Variants in FLT4 observed in about 807,000 individuals in gnomAD.
FLT4 encodes the protein fms related receptor tyrosine kinase 4, also known as vascular endothelial growth factor receptor 3.
A neutral mutation model predicts 163.2 loss-of-function variants in FLT4; 30 were observed. The ratio of observed to expected loss-of-function variants is 0.18; its 90% CI spans 0.14 to 0.25. The LOEUF (loss-of-function observed/expected upper bound fraction) is 0.25. Among genes scored for constraint, FLT4 ranks in the 10% least tolerant of loss-of-function variants. The pLI is 1.00. For synonymous variants in FLT4, 884 were observed against 789.5 expected (o/e 1.12, Z -2.01); for missense variants, 1,510 against 1,863.8 (o/e 0.81, Z 3.50).
At position 180,612,970 on chromosome 5, in the gene FLT4, CT is replaced by C. The variant is rs761347882; in HGVS notation, c.3431+40del. 6 of 1,516,696 alleles carry C rather than the reference CT, an allele frequency of 4.0e-6. No individual in the cohort carries two copies. The East Asian group carries it at 6.8e-5, about 17-fold the overall frequency. The allele number at this position is 1,516,696 out of a possible 1,614,324, so 94.0% of individuals were successfully genotyped here. A position where few individuals can be genotyped will look rare whatever the true frequency, so the allele number is the denominator to read the frequency against. On this transcript the variant is annotated intron_variant, in intron 25 of 29. Transcript: ENST00000261937. ...GGACACAACCCCCACGCCCCCGACG[CT>C]TGCTGTCCCCAAAACCTGCAGGGCC...
At chr5:180,632,097 G>T (rs80150566) in intron 1 of FLT4, among the ~76,000 whole-genome samples, 1 of 152,140 alleles carries the variant, frequency 6.6e-6, no homozygotes, top group East Asian at 1.9e-4. Context: ...ATGAAGGAGC[G>T]GGGGAGGGGC....
chr5:180,620,685 A>G lies in FLT4; in HGVS notation c.2330T>C (p.Val777Ala), dbSNP rs147312865. Residue 777 changes from valine to alanine, a missense_variant, in exon 16 of 30, where the codon GTG becomes GCG. Physicochemically the swap from Val to Ala is moderately conservative, Grantham distance 64. Transcript: ENST00000261937. The surrounding 1 kb of genome is among the most constrained non-coding windows in gnomAD (Gnocchi z 4.4). Reference sequence around the variant, plus strand: ...GATGACGCCGGTACCGACAAGGATCACGATCTCCATGCTGCCCTTATCCTC... The same window carrying G: ...GATGACGCCGGTACCGACAAGGATCGCGATCTCCATGCTGCCCTTATCCTC... Reference protein sequence around the residue: ...GSEDKGSMEIVILVGTGVIAV... With the variant: ...GSEDKGSMEIAILVGTGVIAV... The G allele has an allele frequency of 6.2e-7, 1 of 1,613,494 alleles. No homozygotes were observed. Among genetic ancestry groups the G allele is most frequent in the African/African-American group, 1.3e-5 (1 of 74,922 alleles).
chr5:180,642,487 G>A (rs1005381154), intron 1 of FLT4, among the ~76,000 whole-genome samples: 1 of 152,106 alleles, frequency 6.6e-6, no homozygotes, highest in African/African-American at 2.4e-5. Flanking sequence ...GCATGGTAAA[G>A]GTGATGAGGC....
chr5:180,608,336 A>C (rs1236200460), intron 29 of FLT4: 1 of 700,740 alleles, frequency 1.4e-6, no homozygotes, highest in Non-Finnish European at 2.6e-6. Flanking sequence ...TCACCTTATC[A>C]ATCACTTGAA....
intron 1 of FLT4, among the ~76,000 whole-genome samples, chr5:180,632,842 G>T (rs1764291761): frequency 6.6e-6 from 1 of 152,090 alleles, no homozygotes; most frequent in African/African-American, 2.4e-5. Context: ...CCCAGGGGAG[G>T]TCTGGGTCTG....
intron 20 of FLT4, 37 bp downstream of exon 20, chr5:180,618,959 TCCGCCGCAGAGGCGCCTCCATTCCC>T (rs1444458564): frequency 1.3e-6 from 2 of 1,557,836 alleles, no homozygotes; most frequent in South Asian, 1.2e-5. Context: ...CGCCCAGTCG[TCCGCCGCAGAGGCGCCTCCATTCCC>T]CCGCCGCCCG....
chr5:180,639,390 G>GATGGATGA (rs1290087186), intron 1 of FLT4, among the ~76,000 whole-genome samples: 1 of 147,796 alleles, frequency 6.8e-6, no homozygotes, highest in Non-Finnish European at 1.5e-5. Flanking sequence ...TGGATGGATG[G>GATGGATGA]ATGGATGGAC....
rs1043292243 is a variant in FLT4, at chr5:180,621,920, G to A, written c.1658-16C>T. 46 of 1,612,826 alleles carry A rather than the reference G, an allele frequency of 2.9e-5. No homozygotes were observed. Among genetic ancestry groups the A allele is most frequent in the Non-Finnish European group, 3.8e-5 (45 of 1,179,940 alleles). ...TCGGGGATGGCTGTGGAGGGAGGAA[G>A]AAGCCCTGTGGCACTGCCCTGGGAG... On this transcript the variant is annotated splice_polypyrimidine_tract_variant and intron_variant, in intron 12 of 29. Coordinates refer to ENST00000261937, the MANE Select transcript of FLT4 (RefSeq NM_182925.5).
rs1275633601 is a variant in FLT4, at chr5:180,620,552, G to A, written c.2406+57C>T. ...GCACCTTATTCTTTATCTTAGGGGC[G>A]GCCAGGGTGGGGAAGGCCTGAGAGA... On this transcript the variant is annotated intron_variant, in intron 16 of 29. Transcript: ENST00000261937. This position sits in a 1 kb window ranked among gnomAD's most constrained non-coding sequence, Gnocchi z 4.4. 2.0e-5 allele frequency: 27 copies of A among 1,382,406 alleles called. No homozygotes were observed. In the East Asian group the frequency reaches 5.5e-4, roughly 28 times the overall value. The allele number at this position is 1,382,406 out of a possible 1,614,324, so 85.6% of individuals were successfully genotyped here.
rs1762651647 is a variant in FLT4, at chr5:180,615,963, CCGG to C, written c.3219+401_3219+403del. ...CTTCCTTTCGGAGCACTGGGCCCCG[CCGG>C]TCACCTCCCTTCTCCACTTCCTTTC... On this transcript the variant is annotated intron_variant, in intron 23 of 29. Coordinates refer to ENST00000261937, the MANE Select transcript of FLT4 (RefSeq NM_182925.5). Among the ~76,000 whole-genome samples the C allele has an allele frequency of 4.8e-4, 2 of 4,158 alleles. 1 individual carries two copies. Among genetic ancestry groups the C allele is most frequent in the Non-Finnish European group, 2.0e-3 (2 of 982 alleles). The allele number at this position is 4,158 out of a possible 152,430, so 2.7% of individuals were successfully genotyped here. A position where few individuals can be genotyped will look rare whatever the true frequency, so the allele number is the denominator to read the frequency against.
Position 180,601,730 on chromosome 5 carries a change from C to T in FLT4, c.*1462G>A. 1 of 233,238 alleles carries T rather than the reference C, an allele frequency of 4.3e-6. No homozygotes were observed. Among genetic ancestry groups the T allele is most frequent in the Non-Finnish European group, 8.5e-6 (1 of 118,080 alleles). The allele number at this position is 233,238 out of a possible 1,614,324, so 14.4% of individuals were successfully genotyped here. On this transcript the variant is annotated 3_prime_UTR_variant, in exon 30 of 30. Coordinates refer to ENST00000261937, the MANE Select transcript of FLT4 (RefSeq NM_182925.5). ...CCCAGGGAAGCCTGACACGCCAGTC[C>T]CACGTTGGACGACGTGCAGAGGAAG...
chr5:180,612,289 C>T, intron 26 of FLT4: 1 of 596,392 alleles, frequency 1.7e-6, no homozygotes, highest in Non-Finnish European at 3.0e-6. Flanking sequence ...CCACACAGCA[C>T]CTGGAGCAGG....
At position 180,620,974 on chromosome 5, in the gene FLT4, C is replaced by G. The variant is rs1334071470; in HGVS notation, c.2201G>C (p.Ser734Thr). 6.2e-7 allele frequency: 1 copy of G among 1,611,140 alleles called. No individual in the cohort carries two copies. Among genetic ancestry groups the G allele is most frequent in the Non-Finnish European group, 8.5e-7 (1 of 1,178,922 alleles). Reference protein sequence around the residue: ...VDLADSNQKLSIQRVREEDAG... With the variant: ...VDLADSNQKLTIQRVREEDAG... ...ATCCTCCTCGCGCACGCGCTGGATG[C>G]TCAGCTTCTGGTTGGAGTCCGCCAA... The change falls in exon 15 of 30, where the codon AGC becomes ACC. Residue 734 changes from serine (S) to threonine (T), a missense_variant. Transcript: ENST00000261937. This position sits in a 1 kb window ranked among gnomAD's most constrained non-coding sequence, Gnocchi z 4.4.
chr5:180,641,013 G>A (rs578088331), intron 1 of FLT4, among the ~76,000 whole-genome samples: 7 of 152,288 alleles, frequency 4.6e-5, no homozygotes, highest in African/African-American at 1.4e-4. Context: ...GAGAGATTGA[G>A]GGTAGAACTA....
chr5:180,637,871 C>T (rs762522405), intron 1 of FLT4, among the ~76,000 whole-genome samples: 1 of 152,154 alleles, frequency 6.6e-6, no homozygotes, highest in Admixed American at 6.6e-5. Flanking sequence ...TTACTTGGTT[C>T]CACACTCTCT....
intron 1 of FLT4, among the ~76,000 whole-genome samples, chr5:180,647,627 T>C (rs307815): frequency 0.58 from 87,109 of 151,130 alleles, 25,226 homozygotes; most frequent in East Asian, 0.62. Flanking sequence ...GGCTTGTGCT[T>C]CCGCCATGGC....
chr5:180,622,925 A>G, intron 11 of FLT4, 86 bp from the exon 12 acceptor site: 1 of 576,996 alleles, frequency 1.7e-6, no homozygotes, highest in South Asian at 2.1e-5. Context: ...GTCGCTGTGC[A>G]CCACCCCCCC....
Position 180,630,946 on chromosome 5 carries a change from GC to G in FLT4, c.156-148del. 2.0e-6 allele frequency: 2 copies of G among 1,011,286 alleles called. No homozygotes were observed. The highest frequency in any genetic ancestry group is 2.8e-6 in the Non-Finnish European group (2 of 711,908). 62.6% of individuals were successfully genotyped at this position (1,011,286 alleles called of 1,614,324 possible). A position where few individuals can be genotyped will look rare whatever the true frequency, so the allele number is the denominator to read the frequency against. ...GGTTTGGGCGCACACTACAGACCGTGCCCAGGGCAGGGCACTCCCCGACCCC... is the reference window on the plus strand; with the variant it reads ...GGTTTGGGCGCACACTACAGACCGTGCCAGGGCAGGGCACTCCCCGACCCC... On this transcript the variant is annotated intron_variant, in intron 2 of 29. Transcript: ENST00000261937. The surrounding 1 kb of genome is among the most constrained non-coding windows in gnomAD (Gnocchi z 6.3).
intron 1 of FLT4, among the ~76,000 whole-genome samples, chr5:180,644,450 C>G (rs1390684819): frequency 1.3e-5 from 2 of 152,240 alleles, no homozygotes; most frequent in African/African-American, 4.8e-5. Context: ...ACCTGGCCAG[C>G]CCTCTAGGGC....
Sources: allele counts gnomAD v4.1 joint callset (sites outside exome capture counted in the v4.1 genomes callset), GRCh38; gene constraint gnomAD v4.1.1; non-coding constraint Gnocchi (gnomAD v3.1); transcripts MANE v1.5; gene names NCBI Gene and HGNC (gene_info 2026-07-23, HGNC 2026-07-21).